Variants in BMPR1B observed in about 807,000 individuals in gnomAD.
BMPR1B encodes the protein bone morphogenetic protein receptor type-1B.
A neutral mutation model predicts 59.1 loss-of-function variants in BMPR1B; 12 were observed. That is an observed-to-expected ratio of 0.20 (90% CI 0.13 to 0.33). BMPR1B has a LOEUF of 0.33. Among genes scored for constraint, BMPR1B ranks in the 10% least tolerant of loss-of-function variants. The pLI, the probability that BMPR1B is intolerant of heterozygous loss-of-function variation, is 1.00. For missense variants in BMPR1B, 550 were observed against 610.9 expected (o/e 0.90, Z 1.05); for synonymous variants, 237 against 207.3 (o/e 1.14, Z -1.23).
intron 3 of BMPR1B, among the ~76,000 whole-genome samples, chr4:95,030,144 G>T (rs1226431639): frequency 2.5e-4 from 38 of 151,752 alleles, no homozygotes; most frequent in South Asian, 2.3e-3. Context: ...GTCAATTTTG[G>T]CTTTTGTTGC....
intron 2 of BMPR1B, among the ~76,000 whole-genome samples, chr4:94,924,983 T>C (rs190474024): frequency 6.6e-6 from 1 of 152,296 alleles, no homozygotes; most frequent in East Asian, 1.9e-4. Flanking sequence ...AAGTAAAATC[T>C]CCTGGCCACT....
At chr4:94,977,089 C>T (rs954762465) in intron 2 of BMPR1B, among the ~76,000 whole-genome samples, 1 of 152,068 alleles carries the variant, frequency 6.6e-6, no homozygotes, top group Non-Finnish European at 1.5e-5. Context: ...GTGTCTTATG[C>T]ATCAATTTAT....
intron 3 of BMPR1B, among the ~76,000 whole-genome samples, chr4:95,069,973 C>T (rs1728150644): frequency 6.6e-6 from 1 of 152,176 alleles, no homozygotes; most frequent in African/African-American, 2.4e-5. Context: ...GTGGCACATG[C>T]CTGTAATCCC....
Position 95,112,823 on chromosome 4 carries a change from C to G in BMPR1B, c.144-1897C>G, listed in dbSNP as rs544474455. ...TTGACAATAGCTTTACCAGCTTTTT[C>G]TGTTCCATTTCTTTTTTATTCTTAA... On this transcript the variant is annotated intron_variant, in intron 4 of 12. Transcript: ENST00000515059. Among the ~76,000 whole-genome samples the G allele has an allele frequency of 2.6e-5, 4 of 152,134 alleles. No homozygotes were observed. In the East Asian group the frequency reaches 5.8e-4, roughly 22 times the overall value.
intron 1 of BMPR1B, among the ~76,000 whole-genome samples, chr4:94,782,874 A>C (rs1219619785): frequency 1.3e-5 from 2 of 151,842 alleles, no homozygotes; most frequent in East Asian, 3.9e-4. Context: ...ATGTCTTGTA[A>C]TTTTCTGTTG....
chr4:94,814,531 A>C (rs769485077), intron 1 of BMPR1B, among the ~76,000 whole-genome samples: 15 of 152,182 alleles, frequency 9.9e-5, no homozygotes, highest in Non-Finnish European at 2.2e-4. Context: ...ACTTAGGCAC[A>C]TTATTTACCA....
chr4:94,877,427 A>G (rs1726774110), intron 2 of BMPR1B, among the ~76,000 whole-genome samples: 2 of 152,234 alleles, frequency 1.3e-5, no homozygotes, highest in South Asian at 2.1e-4. Flanking sequence ...TAGAGAACCA[A>G]TCAGATGGAT....
intron 5 of BMPR1B, 100 bp downstream of exon 5, chr4:95,114,922 A>C (rs1235010956): frequency 1.7e-5 from 19 of 1,149,186 alleles, no homozygotes; most frequent in Non-Finnish European, 2.4e-5. Flanking sequence ...GCCCATTTTT[A>C]GTATAGTCAT....
intron 2 of BMPR1B, among the ~76,000 whole-genome samples, chr4:94,896,077 G>A (rs557029103): frequency 2.0e-5 from 3 of 151,902 alleles, no homozygotes; most frequent in South Asian, 2.1e-4. Context: ...TTTATTTTTC[G>A]TTCAATGACG....
intron 10 of BMPR1B, among the ~76,000 whole-genome samples, chr4:95,142,160 A>G (rs1391860245): frequency 6.6e-6 from 1 of 152,180 alleles, no homozygotes; most frequent in African/African-American, 2.4e-5. Flanking sequence ...GAATGTTGAA[A>G]GTAGCTGCAG....
chr4:94,810,319 T>C (rs1723765459), intron 1 of BMPR1B, among the ~76,000 whole-genome samples: 1 of 152,216 alleles, frequency 6.6e-6, no homozygotes, highest in Non-Finnish European at 1.5e-5. Context: ...TACTAAGCAA[T>C]ATGTGGAAAT....
At chr4:94,908,085 A>AG (rs1560541777) in intron 2 of BMPR1B, among the ~76,000 whole-genome samples, 4 of 111,412 alleles carry the variant, frequency 3.6e-5, no homozygotes, top group African/African-American at 7.7e-5. Context: ...AAAAAAAAAA[A>AG]AAAAAGAAAA....
chr4:95,111,319 C>G (rs1384254606), intron 4 of BMPR1B, among the ~76,000 whole-genome samples: 1 of 152,042 alleles, frequency 6.6e-6, no homozygotes, highest in African/African-American at 2.4e-5. Flanking sequence ...ATAGTCTCTT[C>G]TCAACTGTGG....
rs564180618 is a variant in BMPR1B, at chr4:94,985,545, G to A, written c.-112-10495G>A. On this transcript the variant is annotated intron_variant, in intron 2 of 12. Coordinates refer to ENST00000515059, the MANE Select transcript of BMPR1B (RefSeq NM_001203.3). ...TGTGTGTGTGTGTGTGTGTGTGTGTGTGTGTGTGTGTGTTGGCCATTGTCA... is the reference window on the plus strand; with the variant it reads ...TGTGTGTGTGTGTGTGTGTGTGTGTATGTGTGTGTGTGTTGGCCATTGTCA... Among the ~76,000 whole-genome samples the A allele has an allele frequency of 1.1e-3, 120 of 112,982 alleles. 1 individual carries two copies. The highest frequency in any genetic ancestry group is 3.4e-3 in the African/African-American group (113 of 33,434). The allele number at this position is 112,982 out of a possible 152,430, so 74.1% of individuals were successfully genotyped here.
In BMPR1B at chr4:94,757,983, G is replaced by GCGCGGAGTCGGCGGGGCCTCGCGGGA. The variant is rs1297016677; in HGVS notation, c.-264_-239dup. The GCGCGGAGTCGGCGGGGCCTCGCGGGA allele has an allele frequency of 3.4e-5, 5 of 147,832 alleles. No homozygotes were observed. Among genetic ancestry groups the GCGCGGAGTCGGCGGGGCCTCGCGGGA allele is most frequent in the African/African-American group, 9.8e-5 (4 of 40,674 alleles). The allele number at this position is 147,832 out of a possible 1,614,324, so 9.2% of individuals were successfully genotyped here. A position where few individuals can be genotyped will look rare whatever the true frequency, so the allele number is the denominator to read the frequency against. ...AGTTGACGGCGCAGCCGGGCGCGGGGCGCGGAGTCGGCGGGGCCTCGCGGG... is the reference window on the plus strand; with the variant it reads ...AGTTGACGGCGCAGCCGGGCGCGGGGCGCGGAGTCGGCGGGGCCTCGCGGGACGCGGAGTCGGCGGGGCCTCGCGGG... On this transcript the variant is annotated 5_prime_UTR_variant, in exon 1 of 13. Transcript: ENST00000515059.
At chr4:94,840,333 C>T (rs563321892) in intron 1 of BMPR1B, among the ~76,000 whole-genome samples, 3 of 149,090 alleles carry the variant, frequency 2.0e-5, no homozygotes, top group Admixed American at 2.0e-4. Flanking sequence ...GGGAAGTTCT[C>T]CTAGATAATA....
At chr4:95,138,497 A>G (rs1249722658) in intron 10 of BMPR1B, among the ~76,000 whole-genome samples, 4 of 152,166 alleles carry the variant, frequency 2.6e-5, no homozygotes, top group Admixed American at 6.5e-5. Flanking sequence ...TGTCCTGAAG[A>G]GTGTCTTCCA....
intron 3 of BMPR1B, among the ~76,000 whole-genome samples, chr4:95,002,376 A>G (rs1254932064): frequency 6.6e-6 from 1 of 152,042 alleles, no homozygotes; most frequent in Admixed American, 6.6e-5. Flanking sequence ...TTATCCATCC[A>G]CTGTTGATTG....
At chr4:94,775,835 T>C (rs540670125) in intron 1 of BMPR1B, among the ~76,000 whole-genome samples, 1 of 150,522 alleles carries the variant, frequency 6.6e-6, no homozygotes, top group Non-Finnish European at 1.5e-5. Flanking sequence ...CTCACGCCTG[T>C]AATCCCAGCA....
Sources: gnomAD v4.1 joint callset for allele counts (sites outside exome capture counted in the v4.1 genomes callset) on GRCh38, gnomAD v4.1.1 for gene constraint, MANE v1.5 for transcripts, NCBI Gene and HGNC (gene_info 2026-07-23, HGNC 2026-07-21) for gene names.